F13A1: variants seen among roughly 807,000 people sequenced by gnomAD.
The protein encoded by F13A1 is FSF, A subunit.
In F13A1, 47 loss-of-function variants were observed where a neutral mutation model predicts 80.1. The observed-to-expected ratio is 0.59, with a 90% CI of 0.46 to 0.75. F13A1 has a LOEUF of 0.75. Among genes scored for constraint, F13A1 ranks in the 30% least tolerant of loss-of-function variants. F13A1 has a pLI of 0.00. For missense variants in F13A1, 817 were observed against 930.4 expected (o/e 0.88, Z 1.59); for synonymous variants, 349 against 344.9 (o/e 1.01, Z -0.13).
intron 8 of F13A1, among the ~76,000 whole-genome samples, chr6:6,201,372 C>G: frequency 6.6e-6 from 1 of 152,114 alleles, no homozygotes; most frequent in East Asian, 1.9e-4. Context: ...ATAACAGGGT[C>G]AGGAACTTGC....
At chr6:6,231,779 C>A (rs897730652) in intron 6 of F13A1, among the ~76,000 whole-genome samples, 1 of 152,206 alleles carries the variant, frequency 6.6e-6, no homozygotes, top group African/African-American at 2.4e-5. Flanking sequence ...TCTTCAGCCT[C>A]TTCAAACAAA....
intron 2 of F13A1, among the ~76,000 whole-genome samples, chr6:6,311,515 C>A (rs1453304068): frequency 2.2e-5 from 2 of 90,588 alleles, no homozygotes; most frequent in African/African-American, 5.1e-5. Context: ...GAATAGAAAA[C>A]CTAAGTCAAA....
At chr6:6,291,849 C>T (rs1226223898) in intron 3 of F13A1, among the ~76,000 whole-genome samples, 1 of 152,164 alleles carries the variant, frequency 6.6e-6, no homozygotes, top group African/African-American at 2.4e-5. Flanking sequence ...CAAATTATCT[C>T]CTGTCCAACC....
At chr6:6,268,382 G>C (rs564753806) in intron 3 of F13A1, among the ~76,000 whole-genome samples, 70 of 152,278 alleles carry the variant, frequency 4.6e-4, no homozygotes, top group South Asian at 4.1e-3. Flanking sequence ...CTTACCTAGG[G>C]TGATACAACT....
chr6:6,146,555 C>A (rs899438090), intron 14 of F13A1, among the ~76,000 whole-genome samples: 4 of 152,126 alleles, frequency 2.6e-5, no homozygotes, highest in Non-Finnish European at 5.9e-5. Context: ...ATTTAGTGTT[C>A]TCTGGGGTGC....
intron 10 of F13A1, among the ~76,000 whole-genome samples, chr6:6,188,015 G>A (rs1761111905): frequency 6.6e-6 from 1 of 151,484 alleles, no homozygotes; most frequent in Non-Finnish European, 1.5e-5. Context: ...TTGCATAGAG[G>A]TGTTTGTAGT....
At chr6:6,173,402 T>C (rs932110479) in intron 12 of F13A1, among the ~76,000 whole-genome samples, 7 of 69,300 alleles carry the variant, frequency 1.0e-4, no homozygotes, top group Admixed American at 4.6e-4. Context: ...CCAGCCTCCA[T>C]TCTTTTCTTT....
chr6:6,285,333 T>C (rs1203871827), intron 3 of F13A1, among the ~76,000 whole-genome samples: 2 of 152,242 alleles, frequency 1.3e-5, no homozygotes, highest in African/African-American at 4.8e-5. Flanking sequence ...CAGCAGAGGT[T>C]TCTGCATCAC....
intron 4 of F13A1, among the ~76,000 whole-genome samples, chr6:6,262,784 CTCT>C (rs1211784203): frequency 6.6e-6 from 1 of 152,104 alleles, no homozygotes; most frequent in Non-Finnish European, 1.5e-5. Flanking sequence ...ATCTGCACCC[CTCT>C]TCTTCTACTC....
At chr6:6,181,476 G>A (rs1423202295) in intron 11 of F13A1, among the ~76,000 whole-genome samples, 1 of 152,148 alleles carries the variant, frequency 6.6e-6, no homozygotes, top group Non-Finnish European at 1.5e-5. Context: ...AATTGAAACT[G>A]GCCTTCGACC....
chr6:6,281,471 C>T (rs950936384), intron 3 of F13A1, among the ~76,000 whole-genome samples: 2 of 152,170 alleles, frequency 1.3e-5, no homozygotes, highest in Non-Finnish European at 2.9e-5. Context: ...ATCTGAATTC[C>T]ACTGATTCCT....
At chr6:6,244,216 T>C (rs1757525111) in intron 6 of F13A1, among the ~76,000 whole-genome samples, 1 of 152,120 alleles carries the variant, frequency 6.6e-6, no homozygotes. Context: ...AGTTAAGCAT[T>C]CTCCTTAGCT....
chr6:6,181,652 A>G (rs1209712896), intron 11 of F13A1, among the ~76,000 whole-genome samples: 1 of 152,258 alleles, frequency 6.6e-6, no homozygotes, highest in Non-Finnish European at 1.5e-5. Flanking sequence ...CTAAAATTAC[A>G]TTAGTTATAC....
intron 2 of F13A1, among the ~76,000 whole-genome samples, chr6:6,316,077 GCATATATATATATATATATATATATATA>G (rs1219512980): frequency 2.6e-4 from 13 of 49,650 alleles, no homozygotes; most frequent in South Asian, 8.1e-4. Flanking sequence ...ATGTGTGTGT[GCATATATATATATATATATATATATATA>G]TATATATATA....
intron 6 of F13A1, among the ~76,000 whole-genome samples, chr6:6,231,506 G>C (rs748812339): frequency 6.6e-6 from 1 of 152,022 alleles, no homozygotes; most frequent in Admixed American, 6.5e-5. Context: ...ATGTATTTGG[G>C]GTAATAATTG....
At chr6:6,173,711 A>G (rs1760818570) in intron 12 of F13A1, among the ~76,000 whole-genome samples, 1 of 152,146 alleles carries the variant, frequency 6.6e-6, no homozygotes, top group Admixed American at 6.5e-5. Context: ...GAAGCGGCCT[A>G]TGTCAGCGCG....
chr6:6,161,124 T>C (rs959835520), intron 13 of F13A1, among the ~76,000 whole-genome samples: 6 of 152,164 alleles, frequency 3.9e-5, no homozygotes, highest in Admixed American at 2.0e-4. Context: ...GTGTCTCCTC[T>C]CTCCCCTAGG....
Position 6,268,840 on chromosome 6 carries a change from C to A in F13A1, c.320-2031G>T, listed in dbSNP as rs184302418. On this transcript the variant is annotated intron_variant, in intron 3 of 14. Transcript: ENST00000264870. ...AGTAGCTGGGATTACAGGCACCCAC[C>A]ACCATGCCTGGCTAACTTTTTGTAT... is the stretch of plus-strand genomic sequence containing the variant. Among the ~76,000 whole-genome samples the A allele has an allele frequency of 8.5e-4, 130 of 152,090 alleles. 1 individual carries two copies. The East Asian group carries it at 0.015, about 17-fold the overall frequency.
In F13A1 at chr6:6,266,545, G is replaced by A. The variant is rs1212869274; in HGVS notation, c.571+13C>T. On this transcript the variant is annotated intron_variant, in intron 4 of 14. Transcript: ENST00000264870. ...GAATTTTTAAATGAGAAAACTAAAT[G>A]TCTGCCTCTTACCTTCACACCAAGG... 1.2e-6 allele frequency: 2 copies of A among 1,614,096 alleles called. No individual in the cohort carries two copies. Among genetic ancestry groups the A allele is most frequent in the African/African-American group, 1.3e-5 (1 of 74,940 alleles).
Sources: gnomAD v4.1 joint callset for allele counts (sites outside exome capture counted in the v4.1 genomes callset) on GRCh38, gnomAD v4.1.1 for gene constraint, MANE v1.5 for transcripts, NCBI Gene and HGNC (gene_info 2026-07-23, HGNC 2026-07-21) for gene names.